PCDHA11: variants seen among roughly 807,000 people sequenced by gnomAD.
PCDHA11 encodes the protein protocadherin alpha 11, also known as protocadherin alpha-11.
A neutral mutation model predicts 70.3 loss-of-function variants in PCDHA11; 61 were observed. The ratio of observed to expected loss-of-function variants is 0.87; its 90% CI spans 0.71 to 1.07. The LOEUF (loss-of-function observed/expected upper bound fraction) is 1.07. Ranked by LOEUF, PCDHA11 falls within the 50% of genes least tolerant of loss-of-function variation. The pLI is 0.00. For missense variants in PCDHA11, 1,324 were observed against 1,237.5 expected, an observed-to-expected ratio of 1.07 and a Z score of -1.05; for synonymous variants, 633 against 555.1, an observed-to-expected ratio of 1.14 and a Z score of -1.97.
chr5:140,872,950 G>A lies in PCDHA11; in HGVS notation c.2391+1456G>A, dbSNP rs185090422. ...AATGTTTTTGAAATTTTCTTTCCAC[G>A]TAGTATCATCCCATCTGAAGATTTG... On this transcript the variant is annotated intron_variant, in intron 1 of 3. Transcript: ENST00000398640. Among the ~76,000 whole-genome samples, 445 of 152,104 alleles carry A rather than the reference G, an allele frequency of 2.9e-3. 2 individuals carry two copies. Among genetic ancestry groups the A allele is most frequent in the Middle Eastern group, 0.014 (4 of 294 alleles).
At chr5:140,940,028 G>T (rs782276273) in intron 1 of PCDHA11, among the ~76,000 whole-genome samples, 1 of 152,048 alleles carries the variant, frequency 6.6e-6, no homozygotes, top group African/African-American at 2.4e-5. Context: ...ATGTTTTAAG[G>T]CTATTTTATT....
At chr5:140,910,856 C>T (rs548609862) in intron 1 of PCDHA11, among the ~76,000 whole-genome samples, 15 of 152,300 alleles carry the variant, frequency 9.8e-5, no homozygotes, top group Non-Finnish European at 2.2e-4. Flanking sequence ...ATCTATGTTC[C>T]ATCCACCATT....
chr5:141,005,308 TA>T (rs1345689314), intron 3 of PCDHA11, among the ~76,000 whole-genome samples: 4 of 152,214 alleles, frequency 2.6e-5, no homozygotes, highest in Non-Finnish European at 4.4e-5. Context: ...TTGTGAATCT[TA>T]CAGTGGTAGA....
At position 140,870,104 on chromosome 5, in the gene PCDHA11, C is replaced by G. The variant is rs782066407; in HGVS notation, c.1001C>G (p.Thr334Arg). 3.1e-6 allele frequency: 5 copies of G among 1,613,930 alleles called. No individual in the cohort carries two copies. The Admixed American group carries it at 8.3e-5, about 27-fold the overall frequency. ...ACTCCCCCAATGGCAGGTCACTGTACAGTCTGGGTGGAAATCTTGGACACC... is the reference window on the plus strand; with the variant it reads ...ACTCCCCCAATGGCAGGTCACTGTAGAGTCTGGGTGGAAATCTTGGACACC... ...KGTPPMAGHCTVWVEILDTND... is the reference protein window; with the variant it reads ...KGTPPMAGHCRVWVEILDTND... The change falls in exon 1 of 4, where the codon ACA becomes AGA. Residue 334 changes from threonine (T) to arginine (R), a missense_variant. Coordinates refer to ENST00000398640, the MANE Select transcript of PCDHA11 (RefSeq NM_018902.5).
chr5:140,925,782 A>T (rs567008166), intron 1 of PCDHA11, among the ~76,000 whole-genome samples: 10 of 152,174 alleles, frequency 6.6e-5, no homozygotes, highest in Admixed American at 4.6e-4. Context: ...AACTCTAATG[A>T]GTATCTCAGT....
chr5:140,947,585 G>C (rs773594834), intron 1 of PCDHA11, among the ~76,000 whole-genome samples: 5 of 151,544 alleles, frequency 3.3e-5, no homozygotes, highest in Non-Finnish European at 3.0e-5. Context: ...TTAACATTTA[G>C]ATCAATTTAG....
At chr5:140,928,994 T>G (rs781964406) in intron 1 of PCDHA11, 2 of 1,613,992 alleles carry the variant, frequency 1.2e-6, no homozygotes, top group Admixed American at 3.3e-5. Flanking sequence ...TGCTTACTTT[T>G]CTTCGTGTGT....
At position 140,883,742 on chromosome 5, in the gene PCDHA11, T is replaced by C. The variant is rs782074620; in HGVS notation, c.2391+12248T>C. 8 of 1,613,220 alleles carry C rather than the reference T, an allele frequency of 5.0e-6. No homozygotes were observed. In the African/African-American group the frequency reaches 8.0e-5, roughly 16 times the overall value. ...CGCACAGGAGAACGCGCTGGTCTCC[T>C]ACTCGCTGGTGGAGCGGCGGGTGGG... On this transcript the variant is annotated intron_variant, in intron 1 of 3. Transcript: ENST00000398640.
chr5:140,971,652 G>A (rs1554233517), intron 1 of PCDHA11, among the ~76,000 whole-genome samples: 1 of 152,134 alleles, frequency 6.6e-6, no homozygotes, highest in African/African-American at 2.4e-5. Context: ...ATTAAAAGTA[G>A]ATGGGAATTA....
chr5:140,877,793 C>T, intron 1 of PCDHA11: 1 of 1,613,948 alleles, frequency 6.2e-7, no homozygotes, highest in Non-Finnish European at 8.5e-7. Flanking sequence ...GCCTTCAGCC[C>T]AAGCCTTCAG....
chr5:140,942,618 GT>G (rs1372135994), intron 1 of PCDHA11, among the ~76,000 whole-genome samples: 1 of 97,742 alleles, frequency 1.0e-5, no homozygotes, highest in African/African-American at 5.0e-5. Context: ...TTTGCCAATT[GT>G]AAAAAAAAAA....
chr5:140,999,654 C>A (rs180994815), intron 3 of PCDHA11, among the ~76,000 whole-genome samples: 1 of 152,122 alleles, frequency 6.6e-6, no homozygotes, highest in South Asian at 2.1e-4. Flanking sequence ...AGCCTGAGCC[C>A]TGCTGGGTTG....
chr5:140,982,544 A>G lies in PCDHA11; in HGVS notation c.2520A>G (p.Thr840=), dbSNP rs781800144. 1.5e-5 allele frequency: 25 copies of G among 1,614,098 alleles called. No individual in the cohort carries two copies. Among genetic ancestry groups the G allele is most frequent in the Non-Finnish European group, 2.1e-5 (25 of 1,180,048 alleles). Residue 840 remains threonine (T), a synonymous_variant, in exon 3 of 4, where the codon ACA becomes ACG. Coordinates refer to ENST00000398640, the MANE Select transcript of PCDHA11 (RefSeq NM_018902.5). ...GAGGGCCTGATCAGCAGTGGCCAAC[A>G]GTATCCAGTGCAACACCAGGTAAAG... The part of the protein sequence containing the change: ...GPGGPDQQWP[T]VSSATPEPEA...
chr5:140,888,288 C>G (rs1328691042), intron 1 of PCDHA11, among the ~76,000 whole-genome samples: 1 of 152,108 alleles, frequency 6.6e-6, no homozygotes, highest in African/African-American at 2.4e-5. Context: ...CCCTCTACCC[C>G]CTACCCAGGA....
intron 1 of PCDHA11, among the ~76,000 whole-genome samples, chr5:140,891,720 T>C (rs1159192046): frequency 2.0e-5 from 3 of 152,170 alleles, no homozygotes; most frequent in African/African-American, 4.8e-5. Context: ...CCCAAATTCA[T>C]GTGTTGAAAA....
intron 1 of PCDHA11, among the ~76,000 whole-genome samples, chr5:140,941,231 C>CTTTCTTTCTTTCTT (rs1563186950): frequency 5.1e-5 from 7 of 136,876 alleles, no homozygotes; most frequent in East Asian, 2.1e-4. Context: ...TTCTTTCTTT[C>CTTTCTTTCTTTCTT]TTTCTTTCTT....
chr5:140,993,786 C>G (rs2097581960), intron 3 of PCDHA11, among the ~76,000 whole-genome samples: 1 of 152,162 alleles, frequency 6.6e-6, no homozygotes, highest in Admixed American at 6.5e-5. Flanking sequence ...TGTACAGTAA[C>G]ATGCTGTGCA....
rs191365735 is a variant in PCDHA11 at position 140,910,066 on chromosome 5, C to T, written c.2391+38572C>T. Among the ~76,000 whole-genome samples the T allele has an allele frequency of 7.2e-5, 11 of 152,234 alleles. No individual in the cohort carries two copies. In the East Asian group the frequency reaches 1.5e-3, roughly 21 times the overall value. On this transcript the variant is annotated intron_variant, in intron 1 of 3. Coordinates refer to ENST00000398640, the MANE Select transcript of PCDHA11 (RefSeq NM_018902.5). ...GTCATAATAAGTGATCTTTTAACAG[C>T]GTAAATTGTTGTCAAGGGGAACCAG...
chr5:140,876,867 G>A, intron 1 of PCDHA11: 1 of 1,614,152 alleles, frequency 6.2e-7, no homozygotes, highest in Non-Finnish European at 8.5e-7. Context: ...TGTTCGTGAA[G>A]GAGAACAACC....
Sources: gnomAD v4.1 joint callset for allele counts (sites outside exome capture counted in the v4.1 genomes callset) on GRCh38, gnomAD v4.1.1 for gene constraint, MANE v1.5 for transcripts, NCBI Gene and HGNC (gene_info 2026-07-23, HGNC 2026-07-21) for gene names.